Variants in NT5C1A observed in about 807,000 individuals in gnomAD.
NT5C1A encodes 5'-nucleotidase, cytosolic IA.
In NT5C1A, 18 loss-of-function variants were observed where a neutral mutation model predicts 31.0. The ratio of observed to expected loss-of-function variants is 0.58; its 90% CI spans 0.40 to 0.86. The LOEUF is 0.86. Among genes scored for constraint, NT5C1A ranks in the 40% least tolerant of loss-of-function variants. The pLI is 0.00. For synonymous variants in NT5C1A, 185 were observed against 203.6 expected, an observed-to-expected ratio of 0.91 and a Z score of 0.78; for missense variants, 470 against 505.4, an observed-to-expected ratio of 0.93 and a Z score of 0.67.
At chr1:39,663,652 C>CATCCTCTTGTCAAGGAATCACAGTGCT (rs1304979208) in intron 3 of NT5C1A, among the ~76,000 whole-genome samples, 1 of 152,200 alleles carries the variant, frequency 6.6e-6, no homozygotes, top group Non-Finnish European at 1.5e-5. Flanking sequence ...CTCACAGGGA[C>CATCCTCTTGTCAAGGAATCACAGTGCT]ATCCTCTTGT....
intron 1 of NT5C1A, among the ~76,000 whole-genome samples, chr1:39,667,186 C>CT (rs1376873204): frequency 7.2e-6 from 1 of 139,140 alleles, no homozygotes; most frequent in Non-Finnish European, 1.5e-5. Context: ...TCAGGTCATA[C>CT]TTTCCCCCTC....
At position 39,652,545 on chromosome 1, in the gene NT5C1A, T is replaced by C. The variant is rs2124140783; in HGVS notation, c.*6576A>G. On this transcript the variant is annotated 3_prime_UTR_variant, in exon 6 of 6. Transcript: ENST00000235628. ...TCCAGTCTAGGGTGACCTCAGTGAT[T>C]TTCTTGGTGGCTTCTTGGTGGCAGT... 6.6e-6 allele frequency among the ~76,000 whole-genome samples: 1 copy of C among 152,252 alleles called. No individual in the cohort carries two copies. The highest frequency in any genetic ancestry group is 1.9e-4 in the East Asian group (1 of 5,170).
At position 39,669,045 on chromosome 1, in the gene NT5C1A, CA is replaced by C. The variant is rs139084778; in HGVS notation, c.136-2810del. On this transcript the variant is annotated intron_variant, in intron 1 of 5. Coordinates refer to ENST00000235628, the MANE Select transcript of NT5C1A (RefSeq NM_032526.3). ...GGCCGCAGAGGTGGCCATGTGTTGG[CA>C]GGGGCATCTAGGAACAGTTCCTCCA... 5.5e-4 allele frequency among the ~76,000 whole-genome samples: 84 copies of C among 152,292 alleles called. No individual in the cohort carries two copies. In the East Asian group the frequency reaches 0.012, roughly 22 times the overall value.
At chr1:39,667,796 A>G (rs527561729) in intron 1 of NT5C1A, among the ~76,000 whole-genome samples, 1 of 152,364 alleles carries the variant, frequency 6.6e-6, no homozygotes, top group East Asian at 1.9e-4. Context: ...TAATGGAAAT[A>G]TTCCATAATC....
intron 1 of NT5C1A, among the ~76,000 whole-genome samples, chr1:39,667,666 T>C (rs1399726597): frequency 6.6e-6 from 1 of 152,162 alleles, no homozygotes; most frequent in East Asian, 1.9e-4. Context: ...GACACCGTGG[T>C]GGACATGGCA....
rs1321206308 is a variant in NT5C1A at position 39,651,558 on chromosome 1, T to C, written c.*7563A>G. Among the ~76,000 whole-genome samples, 1 of 151,768 alleles carries C rather than the reference T, an allele frequency of 6.6e-6. No homozygotes were observed. Among genetic ancestry groups the C allele is most frequent in the African/African-American group, 2.4e-5 (1 of 41,306 alleles). On this transcript the variant is annotated 3_prime_UTR_variant, in exon 6 of 6. Transcript: ENST00000235628. ...TATCATAACAAGCAACCCAGAGAGG[T>C]TGGGTGATGAGGAAGACTGAGGCAG...
rs1359700649 is a variant in NT5C1A at position 39,658,046 on chromosome 1, G to A, written c.*1075C>T. Among the ~76,000 whole-genome samples the A allele has an allele frequency of 6.6e-6, 1 of 152,126 alleles. No homozygotes were observed. Among genetic ancestry groups the A allele is most frequent in the Non-Finnish European group, 1.5e-5 (1 of 68,024 alleles). ...ACAGTAGACACCCATGCTCTGTCCC[G>A]TTCCCCACCAGCAGAGCTGCTCAAC... On this transcript the variant is annotated 3_prime_UTR_variant, in exon 6 of 6. Coordinates refer to ENST00000235628, the MANE Select transcript of NT5C1A (RefSeq NM_032526.3).
intron 4 of NT5C1A, 40 bp downstream of exon 4, chr1:39,663,272 T>C (rs1375580402): frequency 1.2e-6 from 2 of 1,613,006 alleles, no homozygotes; most frequent in African/African-American, 2.7e-5. Flanking sequence ...GGGACCCCTT[T>C]GCTGCACTCC....
Position 39,658,531 on chromosome 1 carries a change from C to G in NT5C1A, c.*590G>C, listed in dbSNP as rs1183676964. Among the ~76,000 whole-genome samples the G allele has an allele frequency of 6.6e-6, 1 of 152,220 alleles. No individual in the cohort carries two copies. The highest frequency in any genetic ancestry group is 2.4e-5 in the African/African-American group (1 of 41,442). ...GGATGTCTTTTTGTTCTTCATTCAC[C>G]TAGACAGTGTCCTTTTGTAATTTGC... On this transcript the variant is annotated 3_prime_UTR_variant, in exon 6 of 6. Transcript: ENST00000235628.
chr1:39,663,392 G>C lies in NT5C1A; in HGVS notation c.476C>G (p.Pro159Arg). The change falls in exon 4 of 6, where the codon CCG becomes CGG. Residue 159 changes from proline to arginine, a missense_variant. By Grantham distance (103) the Pro-to-Arg change is moderately radical. Coordinates refer to ENST00000235628, the MANE Select transcript of NT5C1A (RefSeq NM_032526.3). ...ERFCMTGGNS[P>R]ICYLKAYHTN... ...GTGATAGGCCTTGAGGTAGCAGATCGGGCTGTTCCCACCTGTCATGCAGAA... is the reference window on the plus strand; with the variant it reads ...GTGATAGGCCTTGAGGTAGCAGATCCGGCTGTTCCCACCTGTCATGCAGAA... The C allele has an allele frequency of 6.2e-7, 1 of 1,614,060 alleles. No homozygotes were observed. Among genetic ancestry groups the C allele is most frequent in the Non-Finnish European group, 8.5e-7 (1 of 1,180,014 alleles).
In NT5C1A at chr1:39,654,153, C is replaced by T. The variant is rs1317931288; in HGVS notation, c.*4968G>A. On this transcript the variant is annotated 3_prime_UTR_variant, in exon 6 of 6. Transcript: ENST00000235628. ...GGTAAATCTCTAAATTTGCAGAGTC[C>T]TAGAATTCTCCTGATCCACAATTCC... is the stretch of plus-strand genomic sequence containing the variant. Among the ~76,000 whole-genome samples, 2 of 152,148 alleles carry T rather than the reference C, an allele frequency of 1.3e-5. No individual in the cohort carries two copies. Among genetic ancestry groups the T allele is most frequent in the Admixed American group, 6.5e-5 (1 of 15,280 alleles).
rs1363900374 is a variant in NT5C1A, at chr1:39,654,146, CAG to C, written c.*4973_*4974del. On this transcript the variant is annotated 3_prime_UTR_variant, in exon 6 of 6. Transcript: ENST00000235628. ...GAAGCCTGGTAAATCTCTAAATTTG[CAG>C]AGTCCTAGAATTCTCCTGATCCACA... 1.3e-5 allele frequency among the ~76,000 whole-genome samples: 2 copies of C among 152,296 alleles called. No homozygotes were observed. Among genetic ancestry groups the C allele is most frequent in the African/African-American group, 2.4e-5 (1 of 41,564 alleles).
At position 39,657,611 on chromosome 1, in the gene NT5C1A, G is replaced by C. The variant is rs965485293; in HGVS notation, c.*1510C>G. ...CACCCTCCCTCTGGAGAGAGCCAGG[G>C]ATGCTCAGCAAAGGAGGAGGCTGAC... On this transcript the variant is annotated 3_prime_UTR_variant, in exon 6 of 6. Coordinates refer to ENST00000235628, the MANE Select transcript of NT5C1A (RefSeq NM_032526.3). Among the ~76,000 whole-genome samples, 3 of 152,216 alleles carry C rather than the reference G, an allele frequency of 2.0e-5. No homozygotes were observed. The highest frequency in any genetic ancestry group is 7.2e-5 in the African/African-American group (3 of 41,462).
chr1:39,664,146 T>C (rs1053513483), intron 3 of NT5C1A, among the ~76,000 whole-genome samples: 3 of 151,950 alleles, frequency 2.0e-5, no homozygotes, highest in African/African-American at 7.3e-5. Context: ...GTGTATTCTT[T>C]TTCTTTCTTT....
In NT5C1A at chr1:39,652,245, G is replaced by C. The variant is rs191531048; in HGVS notation, c.*6876C>G. On this transcript the variant is annotated 3_prime_UTR_variant, in exon 6 of 6. Transcript: ENST00000235628. ...GCGGATGCAAACTGGAGATTCAAGG[G>C]CCGGATCTCGCCTACAGAATATGTT... Among the ~76,000 whole-genome samples, 1 of 152,036 alleles carries C rather than the reference G, an allele frequency of 6.6e-6. No homozygotes were observed. Among genetic ancestry groups the C allele is most frequent in the African/African-American group, 2.4e-5 (1 of 41,470 alleles).
intron 4 of NT5C1A, among the ~76,000 whole-genome samples, chr1:39,661,694 C>T (rs1221198356): frequency 6.6e-6 from 1 of 152,212 alleles, no homozygotes; most frequent in African/African-American, 2.4e-5. Context: ...TGCCTCACAG[C>T]CCCTGATGTA....
At chr1:39,670,602 G>A (rs1373027143) in intron 1 of NT5C1A, among the ~76,000 whole-genome samples, 1 of 152,188 alleles carries the variant, frequency 6.6e-6, no homozygotes, top group Admixed American at 6.5e-5. Context: ...GGAAATCCCT[G>A]ACCCCCTTGA....
At chr1:39,666,028 C>T (rs748557812) in intron 2 of NT5C1A, 41 bp downstream of exon 2, 18 of 1,580,468 alleles carry the variant, frequency 1.1e-5, no homozygotes, top group Middle Eastern at 3.4e-4. Context: ...CTAATCCCCA[C>T]GAAGGCGCTA....
Position 39,652,221 on chromosome 1 carries a change from C to A in NT5C1A, c.*6900G>T, listed in dbSNP as rs1196198378. On this transcript the variant is annotated 3_prime_UTR_variant, in exon 6 of 6. Transcript: ENST00000235628. ...ACCCAAGTCTCTGGGCCTGGGCCAG[C>A]GGATGCAAACTGGAGATTCAAGGGC... Among the ~76,000 whole-genome samples the A allele has an allele frequency of 1.3e-5, 2 of 151,898 alleles. No homozygotes were observed. The highest frequency in any genetic ancestry group is 2.1e-4 in the South Asian group (1 of 4,806).
Sources: gnomAD v4.1 joint callset for allele counts (sites outside exome capture counted in the v4.1 genomes callset) on GRCh38, gnomAD v4.1.1 for gene constraint, MANE v1.5 for transcripts, NCBI Gene and HGNC (gene_info 2026-07-23, HGNC 2026-07-21) for gene names.